Variants in DLG2 observed in about 807,000 individuals in gnomAD.
DLG2 encodes the protein discs large MAGUK scaffold protein 2.
In DLG2, 45 loss-of-function variants were observed where a neutral mutation model predicts 132.5. The observed-to-expected ratio is 0.34, with a 90% CI of 0.27 to 0.44. The LOEUF is 0.44. Among genes scored for constraint, DLG2 ranks in the 20% least tolerant of loss-of-function variants. The pLI is 1.00. For missense variants in DLG2, 1,045 were observed against 1,196.9 expected, an observed-to-expected ratio of 0.87 and a Z score of 1.87; for synonymous variants, 424 against 419.6, an observed-to-expected ratio of 1.01 and a Z score of -0.13.
chr11:83,573,908 G>A (rs1045724668), intron 19 of DLG2, among the ~76,000 whole-genome samples: 6 of 152,144 alleles, frequency 3.9e-5, no homozygotes, highest in Non-Finnish European at 8.8e-5. Context: ...GATATGGATA[G>A]ATTTGGATTG....
At chr11:83,722,249 T>A (rs1413694647) in intron 18 of DLG2, among the ~76,000 whole-genome samples, 4 of 152,206 alleles carry the variant, frequency 2.6e-5, no homozygotes, top group African/African-American at 9.6e-5. Context: ...GTTTCATTCT[T>A]ATGGTCTCCC....
intron 17 of DLG2, among the ~76,000 whole-genome samples, chr11:83,800,230 A>G (rs1455958843): frequency 6.6e-6 from 1 of 152,188 alleles, no homozygotes; most frequent in African/African-American, 2.4e-5. Context: ...TTTGACTTTG[A>G]GAAGCCCCTT....
At chr11:84,744,457 A>G (rs978700403) in intron 6 of DLG2, among the ~76,000 whole-genome samples, 2 of 152,176 alleles carry the variant, frequency 1.3e-5, no homozygotes, top group Admixed American at 6.5e-5. Flanking sequence ...ACAAAAATGT[A>G]AACTCCTGTG....
chr11:84,788,276 G>A (rs953490169), intron 6 of DLG2, among the ~76,000 whole-genome samples: 11 of 152,054 alleles, frequency 7.2e-5, no homozygotes, highest in African/African-American at 2.4e-4. Context: ...TGCTGAGAGA[G>A]GGTCAGAAAG....
At chr11:85,210,785 C>T (rs1351409557) in intron 4 of DLG2, among the ~76,000 whole-genome samples, 1 of 152,060 alleles carries the variant, frequency 6.6e-6, no homozygotes, top group Non-Finnish European at 1.5e-5. Flanking sequence ...CAGGAACTAC[C>T]CATCAACTTA....
At chr11:83,708,071 T>C (rs953732406) in intron 18 of DLG2, among the ~76,000 whole-genome samples, 5 of 152,206 alleles carry the variant, frequency 3.3e-5, no homozygotes, top group African/African-American at 1.2e-4. Context: ...TTACATGAAA[T>C]TTACGTAAAA....
chr11:84,681,694 C>T (rs2153708525), intron 6 of DLG2, among the ~76,000 whole-genome samples: 1 of 152,160 alleles, frequency 6.6e-6, no homozygotes, highest in East Asian at 1.9e-4. Flanking sequence ...GTAATCACTC[C>T]ATTTCACTGT....
chr11:84,098,677 T>C (rs2092094409), intron 10 of DLG2, among the ~76,000 whole-genome samples: 1 of 152,176 alleles, frequency 6.6e-6, no homozygotes, highest in African/African-American at 2.4e-5. Flanking sequence ...AAAAGATTTA[T>C]CTTCATCCCC....
chr11:84,518,803 T>C (rs1371116343), intron 7 of DLG2, among the ~76,000 whole-genome samples: 2 of 152,262 alleles, frequency 1.3e-5, no homozygotes, highest in East Asian at 3.9e-4. Context: ...ATATAAATCA[T>C]GTTAAGAACC....
chr11:84,798,506 G>C (rs141806856), intron 6 of DLG2, among the ~76,000 whole-genome samples: 30 of 152,266 alleles, frequency 2.0e-4, no homozygotes, highest in Non-Finnish European at 2.8e-4. Context: ...CATTTTCTTA[G>C]ACTCAGGGGC....
At chr11:84,086,855 C>T (rs1011139970) in intron 10 of DLG2, among the ~76,000 whole-genome samples, 9 of 152,194 alleles carry the variant, frequency 5.9e-5, no homozygotes, top group Admixed American at 4.6e-4. Context: ...AACCACTAAT[C>T]TACCTTCTAT....
At chr11:85,087,369 G>A (rs1232243538) in intron 6 of DLG2, among the ~76,000 whole-genome samples, 2 of 152,206 alleles carry the variant, frequency 1.3e-5, no homozygotes, top group Admixed American at 6.5e-5. Context: ...AAGTTAAAAT[G>A]TAAAGACTAA....
At chr11:83,485,816 G>GGAAA (rs1354842455) in intron 21 of DLG2, among the ~76,000 whole-genome samples, 1 of 152,034 alleles carries the variant, frequency 6.6e-6, no homozygotes, top group Non-Finnish European at 1.5e-5. Flanking sequence ...TGTTCATTTA[G>GGAAA]GAAACATTAA....
chr11:84,486,783 G>A (rs1018906586), intron 7 of DLG2, among the ~76,000 whole-genome samples: 1 of 152,016 alleles, frequency 6.6e-6, no homozygotes, highest in Non-Finnish European at 1.5e-5. Context: ...AATTATACAT[G>A]CATTCAATAG....
chr11:84,038,876 G>A (rs2095960238), intron 11 of DLG2, among the ~76,000 whole-genome samples: 1 of 151,904 alleles, frequency 6.6e-6, no homozygotes, highest in Admixed American at 6.6e-5. Context: ...AGCCAAAGGG[G>A]AAAAACCCCT....
chr11:85,189,575 G>A (rs1463816915), intron 4 of DLG2, among the ~76,000 whole-genome samples: 4 of 152,182 alleles, frequency 2.6e-5, no homozygotes, highest in Non-Finnish European at 5.9e-5. Flanking sequence ...ATCAGTGGTT[G>A]TCATAGACTA....
At chr11:83,851,186 A>G (rs1467886456) in intron 16 of DLG2, among the ~76,000 whole-genome samples, 1 of 151,970 alleles carries the variant, frequency 6.6e-6, no homozygotes, top group Non-Finnish European at 1.5e-5. Context: ...CAAAAAAAAA[A>G]AAAAAGAATT....
chr11:85,529,235 C>A (rs1415150629), intron 3 of DLG2, among the ~76,000 whole-genome samples: 2 of 152,076 alleles, frequency 1.3e-5, no homozygotes, highest in African/African-American at 2.4e-5. Flanking sequence ...GAGTGAGGTC[C>A]ACGTAAAGAG....
intron 8 of DLG2, among the ~76,000 whole-genome samples, chr11:84,187,275 G>A (rs1174654328): frequency 6.6e-6 from 1 of 151,834 alleles, no homozygotes; most frequent in Non-Finnish European, 1.5e-5. Context: ...TTAATGTCAT[G>A]ATACTTTTCC....
Sources: allele counts gnomAD v4.1 joint callset (sites outside exome capture counted in the v4.1 genomes callset), GRCh38; gene constraint gnomAD v4.1.1; transcripts MANE v1.5; gene names NCBI Gene and HGNC (gene_info 2026-07-23, HGNC 2026-07-21).